DLG2: variants seen among roughly 807,000 people sequenced by gnomAD.
The protein encoded by DLG2 is discs large MAGUK scaffold protein 2.
Under a neutral mutation model 132.5 loss-of-function variants are expected in DLG2, and 45 were observed. That is an observed-to-expected ratio of 0.34 (90% CI 0.27 to 0.44). The LOEUF (loss-of-function observed/expected upper bound fraction) is 0.44. Among genes scored for constraint, DLG2 ranks in the 20% least tolerant of loss-of-function variants. DLG2 has a pLI of 1.00. For synonymous variants in DLG2, 424 were observed against 419.6 expected, an observed-to-expected ratio of 1.01 and a Z score of -0.13; for missense variants, 1,045 against 1,196.9, an observed-to-expected ratio of 0.87 and a Z score of 1.87.
chr11:85,521,565 AACAG>A (rs749807216), intron 3 of DLG2, among the ~76,000 whole-genome samples: 7 of 152,194 alleles, frequency 4.6e-5, no homozygotes, highest in African/African-American at 9.7e-5. Context: ...GAAACTGGCT[AACAG>A]ACAGAGGTTG....
chr11:84,983,102 A>T (rs577329796), intron 6 of DLG2, among the ~76,000 whole-genome samples: 5 of 152,318 alleles, frequency 3.3e-5, no homozygotes, highest in Non-Finnish European at 5.9e-5. Flanking sequence ...AATGCAAATT[A>T]AAAGAATACA....
In DLG2 at chr11:85,012,891, A is replaced by T. The variant is rs190748172; in HGVS notation, c.357+98770T>A. 7.9e-5 allele frequency among the ~76,000 whole-genome samples: 12 copies of T among 152,316 alleles called. No homozygotes were observed. In the East Asian group the frequency reaches 2.1e-3, roughly 27 times the overall value. On this transcript the variant is annotated intron_variant, in intron 6 of 27. Coordinates refer to ENST00000376104, the MANE Select transcript of DLG2 (RefSeq NM_001142699.3). ...GTTAGGTGACTTTTAGACAAATTTT[A>T]TCACCCCTTAGAGCCTGTGTCATCA...
At chr11:84,729,120 T>C (rs2062849058) in intron 6 of DLG2, among the ~76,000 whole-genome samples, 1 of 152,152 alleles carries the variant, frequency 6.6e-6, no homozygotes, top group Admixed American at 6.6e-5. Context: ...ATTTCTTGTC[T>C]TCTGCTAGAT....
At chr11:83,770,255 G>GTTTTTTTGTTT (rs1555392382) in intron 18 of DLG2, among the ~76,000 whole-genome samples, 4 of 109,914 alleles carry the variant, frequency 3.6e-5, no homozygotes, top group African/African-American at 1.6e-4. Flanking sequence ...GGTGTCTGGT[G>GTTTTTTTGTTT]TTTTTTTTTG....
intron 7 of DLG2, among the ~76,000 whole-genome samples, chr11:84,389,452 G>C (rs2098784178): frequency 6.6e-6 from 1 of 151,974 alleles, no homozygotes; most frequent in Admixed American, 6.6e-5. Context: ...ATATTACATG[G>C]TATATATTGT....
intron 9 of DLG2, among the ~76,000 whole-genome samples, chr11:84,150,529 T>C (rs781225775): frequency 6.6e-6 from 1 of 152,206 alleles, no homozygotes; most frequent in East Asian, 1.9e-4. Context: ...TCATAGAATA[T>C]ACAGTATACA....
At chr11:84,309,238 G>A (rs534464527) in intron 7 of DLG2, among the ~76,000 whole-genome samples, 31 of 152,256 alleles carry the variant, frequency 2.0e-4, no homozygotes, top group African/African-American at 7.2e-4. Context: ...ATTTCTAGGG[G>A]CTCTCCTCTC....
intron 6 of DLG2, among the ~76,000 whole-genome samples, chr11:84,673,870 C>T (rs891923827): frequency 6.6e-6 from 1 of 152,118 alleles, no homozygotes; most frequent in Admixed American, 6.6e-5. Flanking sequence ...CAACTTACAA[C>T]AACTCAGCAC....
intron 6 of DLG2, among the ~76,000 whole-genome samples, chr11:84,898,037 C>T (rs2090424968): frequency 6.6e-6 from 1 of 151,842 alleles, no homozygotes; most frequent in South Asian, 2.1e-4. Context: ...CTTTACAATT[C>T]CCTAAATAAC....
rs2093924468 is a variant in DLG2 at position 85,506,045 on chromosome 11, T to C, written c.40+92612A>G. Among the ~76,000 whole-genome samples the C allele has an allele frequency of 1.3e-5, 2 of 152,242 alleles. 1 individual carries two copies. The highest frequency in any genetic ancestry group is 1.3e-4 in the Admixed American group (2 of 15,276). On this transcript the variant is annotated intron_variant, in intron 3 of 27. Transcript: ENST00000376104. Reference sequence around the variant, plus strand: ...GTATTCTCTGATGGTAGTTTGTATTTCTGTGGGATCAGTGGTGATATCCCC... The same window carrying C: ...GTATTCTCTGATGGTAGTTTGTATTCCTGTGGGATCAGTGGTGATATCCCC...
chr11:85,576,924 G>T (rs1451314676), intron 3 of DLG2, among the ~76,000 whole-genome samples: 1 of 152,120 alleles, frequency 6.6e-6, no homozygotes, highest in Admixed American at 6.6e-5. Context: ...AAGAAAGTGG[G>T]CAAAGAATTC....
chr11:84,250,711 G>A (rs913586470), intron 8 of DLG2, among the ~76,000 whole-genome samples: 2 of 152,118 alleles, frequency 1.3e-5, no homozygotes, highest in Admixed American at 1.3e-4. Context: ...AGAATCCTAG[G>A]CTTCATTGGT....
intron 11 of DLG2, among the ~76,000 whole-genome samples, chr11:84,022,909 G>A (rs2095435567): frequency 6.6e-6 from 1 of 152,090 alleles, no homozygotes; most frequent in African/African-American, 2.4e-5. Context: ...TTCAAGGAGG[G>A]GAAACAATGA....
chr11:84,201,909 C>T (rs1434924069), intron 8 of DLG2, among the ~76,000 whole-genome samples: 5 of 136,234 alleles, frequency 3.7e-5, no homozygotes, highest in East Asian at 2.2e-4. Context: ...ACCTCCACCT[C>T]CCGGGTTCAA....
intron 17 of DLG2, among the ~76,000 whole-genome samples, chr11:83,801,077 A>T (rs910134088): frequency 1.3e-5 from 2 of 152,196 alleles, no homozygotes; most frequent in Non-Finnish European, 2.9e-5. Flanking sequence ...TCTCATTTTC[A>T]GCAAACAGTA....
chr11:84,968,747 A>G (rs906904365), intron 6 of DLG2, among the ~76,000 whole-genome samples: 1 of 152,120 alleles, frequency 6.6e-6, no homozygotes, highest in African/African-American at 2.4e-5. Flanking sequence ...TATACGTGGG[A>G]AAATTAAGGG....
At chr11:84,808,749 C>T (rs1166203155) in intron 6 of DLG2, among the ~76,000 whole-genome samples, 3 of 151,796 alleles carry the variant, frequency 2.0e-5, no homozygotes, top group Non-Finnish European at 2.9e-5. Flanking sequence ...CCACAAGCAA[C>T]CCAATATGTG....
intron 21 of DLG2, among the ~76,000 whole-genome samples, chr11:83,503,421 A>AGG: frequency 1.0e-5 from 1 of 97,066 alleles, no homozygotes; most frequent in Non-Finnish European, 2.3e-5. Flanking sequence ...ATATATATAT[A>AGG]TAGATAGATC....
At chr11:84,023,528 A>T (rs752271902) in intron 11 of DLG2, among the ~76,000 whole-genome samples, 7 of 152,150 alleles carry the variant, frequency 4.6e-5, no homozygotes, top group Non-Finnish European at 8.8e-5. Context: ...AAATAGTTTT[A>T]TTTCTACTTC....
Sources: gnomAD v4.1 joint callset for allele counts (sites outside exome capture counted in the v4.1 genomes callset) on GRCh38, gnomAD v4.1.1 for gene constraint, MANE v1.5 for transcripts, NCBI Gene and HGNC (gene_info 2026-07-23, HGNC 2026-07-21) for gene names.